Variants in CREB5 observed in about 807,000 individuals in gnomAD.
The protein encoded by CREB5 is cyclic AMP-responsive element-binding protein 5.
A neutral mutation model predicts 57.1 loss-of-function variants in CREB5; 19 were observed. The observed-to-expected ratio is 0.33, with a 90% confidence interval of 0.23 to 0.49. CREB5 has a LOEUF of 0.49. Ranked by LOEUF, CREB5 falls within the 20% of genes least tolerant of loss-of-function variation. The pLI, the probability that CREB5 is intolerant of heterozygous loss-of-function variation, is 0.99. For synonymous variants in CREB5, 238 were observed against 238.3 expected, an observed-to-expected ratio of 1.00 and a Z score of 0.01; for missense variants, 579 against 671.6, an observed-to-expected ratio of 0.86 and a Z score of 1.52.
intron 4 of CREB5, among the ~76,000 whole-genome samples, chr7:28,527,841 A>G (rs1793513094): frequency 1.3e-5 from 2 of 152,058 alleles, no homozygotes; most frequent in Admixed American, 1.3e-4. Flanking sequence ...TGTGAAATAT[A>G]CTTATTGTTT....
intron 5 of CREB5, among the ~76,000 whole-genome samples, chr7:28,699,009 G>A (rs925961169): frequency 6.6e-6 from 1 of 152,082 alleles, no homozygotes; most frequent in Non-Finnish European, 1.5e-5. Flanking sequence ...GGTTTTGAGC[G>A]AGATACTCAC....
chr7:28,534,439 C>T (rs2128623965), intron 4 of CREB5, among the ~76,000 whole-genome samples: 1 of 152,312 alleles, frequency 6.6e-6, no homozygotes, highest in South Asian at 2.1e-4. Flanking sequence ...TTGCCTTAGG[C>T]TGAAGGGAAA....
At chr7:28,491,209 A>C in intron 2 of CREB5, 1 of 985,436 alleles carries the variant, frequency 1.0e-6, no homozygotes, top group African/African-American at 1.7e-5. Context: ...TTTAAAAATT[A>C]AAGGATAGCC....
At chr7:28,744,540 G>T (rs1299806617) in intron 7 of CREB5, among the ~76,000 whole-genome samples, 1 of 151,840 alleles carries the variant, frequency 6.6e-6, no homozygotes, top group East Asian at 1.9e-4. Flanking sequence ...TAGAGACGGG[G>T]TTTCACCATG....
intron 5 of CREB5, among the ~76,000 whole-genome samples, chr7:28,667,914 C>T (rs1799887388): frequency 6.6e-6 from 1 of 152,090 alleles, no homozygotes; most frequent in Non-Finnish European, 1.5e-5. Context: ...TTTTGCTTTG[C>T]CTTTAAAAAG....
chr7:28,680,209 G>A lies in CREB5; in HGVS notation c.465-38544G>A, dbSNP rs1583533643. ...TGGACTGGTCCAGTCACCACCCTTGGTCAAAGGGGAAAGTAGGAATTTGGT... is the reference window on the plus strand; with the variant it reads ...TGGACTGGTCCAGTCACCACCCTTGATCAAAGGGGAAAGTAGGAATTTGGT... On this transcript the variant is annotated intron_variant, in intron 5 of 10. Transcript: ENST00000357727. 1.3e-5 allele frequency among the ~76,000 whole-genome samples: 2 copies of A among 152,026 alleles called. 1 individual carries two copies. The highest frequency in any genetic ancestry group is 4.1e-4 in the South Asian group (2 of 4,824).
intron 1 of CREB5, among the ~76,000 whole-genome samples, chr7:28,467,915 G>A (rs6462089): frequency 0.82 from 124,833 of 152,128 alleles, 51,227 homozygotes; most frequent in Admixed American, 0.86. Flanking sequence ...GGAGGAATCA[G>A]CAATAAGAGA....
chr7:28,478,093 G>A (rs531577431), intron 1 of CREB5, among the ~76,000 whole-genome samples: 1 of 152,140 alleles, frequency 6.6e-6, no homozygotes. Flanking sequence ...GTGACAGAGA[G>A]AGACCATGTC....
chr7:28,560,845 C>T (rs216739), intron 4 of CREB5, among the ~76,000 whole-genome samples: 21,404 of 41,064 alleles, frequency 0.52, 5,833 homozygotes, highest in East Asian at 0.76. Flanking sequence ...TGTGTGTGTG[C>T]GCGTGTGTGT....
At chr7:28,704,152 A>G (rs1439241379) in intron 5 of CREB5, among the ~76,000 whole-genome samples, 1 of 152,220 alleles carries the variant, frequency 6.6e-6, no homozygotes, top group African/African-American at 2.4e-5. Flanking sequence ...CTCTCCTAAA[A>G]GATGTCATTG....
intron 4 of CREB5, among the ~76,000 whole-genome samples, chr7:28,560,546 TCCTATA>T (rs2128639281): frequency 6.6e-6 from 1 of 152,134 alleles, no homozygotes; most frequent in South Asian, 2.1e-4. Context: ...GGAACCAGGC[TCCTATA>T]TCAGTAGGAA....
chr7:28,718,738 T>G lies in CREB5; in HGVS notation c.465-15T>G, dbSNP rs1357943397. ...CACCAGGAATCATGTTTGTTTGTTT[T>G]TTTCTTTGTCCCAGGCCTGTCCCAG... On this transcript the variant is annotated splice_polypyrimidine_tract_variant and intron_variant, in intron 5 of 10. Coordinates refer to ENST00000357727, the MANE Select transcript of CREB5 (RefSeq NM_182898.4). The G allele has an allele frequency of 6.2e-6, 10 of 1,612,970 alleles. No homozygotes were observed. The highest frequency in any genetic ancestry group is 2.2e-5 in the South Asian group (2 of 91,074).
intron 4 of CREB5, among the ~76,000 whole-genome samples, chr7:28,544,665 A>G (rs1232954548): frequency 6.6e-6 from 1 of 152,208 alleles, no homozygotes; most frequent in Non-Finnish European, 1.5e-5. Flanking sequence ...CTGAGGAGCC[A>G]TACAGGATAA....
intron 7 of CREB5, among the ~76,000 whole-genome samples, chr7:28,737,543 A>G (rs867277423): frequency 0.12 from 887 of 7,336 alleles, 28 homozygotes; most frequent in African/African-American, 0.25. Flanking sequence ...ATATACGTAT[A>G]TATATATATA....
chr7:28,481,948 A>G (rs1221831775), intron 1 of CREB5, among the ~76,000 whole-genome samples: 1 of 152,226 alleles, frequency 6.6e-6, no homozygotes, highest in Non-Finnish European at 1.5e-5. Flanking sequence ...TCTTGGACTG[A>G]AATTCAAGGT....
At chr7:28,690,089 G>T (rs571219892) in intron 5 of CREB5, among the ~76,000 whole-genome samples, 4 of 152,232 alleles carry the variant, frequency 2.6e-5, no homozygotes, top group African/African-American at 7.2e-5. Context: ...AAGGGAAGGG[G>T]TCTAATGCCC....
chr7:28,766,820 G>A lies in CREB5; in HGVS notation c.703-37379G>A, dbSNP rs143735051. ...GACTTTCTGATCCCATCACCCACTA[G>A]TATCCACGGGAAAAGGCAGGGATGA... is the stretch of plus-strand genomic sequence containing the variant. On this transcript the variant is annotated intron_variant, in intron 7 of 10. Transcript: ENST00000357727. 5.7e-4 allele frequency among the ~76,000 whole-genome samples: 87 copies of A among 152,262 alleles called. No individual in the cohort carries two copies. In the East Asian group the frequency reaches 0.015, roughly 27 times the overall value.
intron 1 of CREB5, among the ~76,000 whole-genome samples, chr7:28,428,791 G>A (rs913104441): frequency 3.3e-5 from 5 of 152,102 alleles, no homozygotes; most frequent in Non-Finnish European, 5.9e-5. Flanking sequence ...GCATCAAATA[G>A]GCCAGCCTCA....
intron 4 of CREB5, among the ~76,000 whole-genome samples, chr7:28,551,290 G>C (rs1583613905): frequency 6.6e-6 from 1 of 152,138 alleles, no homozygotes; most frequent in Non-Finnish European, 1.5e-5. Flanking sequence ...TGTTGAAAAA[G>C]GTGCAGAGTT....
Sources: allele counts gnomAD v4.1 joint callset (sites outside exome capture counted in the v4.1 genomes callset), GRCh38; gene constraint gnomAD v4.1.1; transcripts MANE v1.5; gene names NCBI Gene and HGNC (gene_info 2026-07-23, HGNC 2026-07-21).